Variants in TSC22D1 observed in about 807,000 individuals in gnomAD.
TSC22D1 encodes TSC22 domain family protein 1.
Under a neutral mutation model 74.2 loss-of-function variants are expected in TSC22D1, and 9 were observed. That is an observed-to-expected ratio of 0.12 (90% confidence interval 0.07 to 0.21). TSC22D1 has a LOEUF of 0.21. TSC22D1 is among the 10% of genes least tolerant of loss of function. The pLI, the probability that TSC22D1 is intolerant of heterozygous loss-of-function variation, is 1.00. For missense variants in TSC22D1, 1,427 were observed against 1,304.7 expected (o/e 1.09, Z -1.44); for synonymous variants, 586 against 492.5 (o/e 1.19, Z -2.51).
rs779099613 is a variant in TSC22D1, at chr13:44,573,331, C to G, written c.2744G>C (p.Arg915Pro). The G allele has an allele frequency of 1.2e-6, 2 of 1,614,238 alleles. No homozygotes were observed. Among genetic ancestry groups the G allele is most frequent in the Non-Finnish European group, 1.7e-6 (2 of 1,180,038 alleles). The change falls in exon 1 of 3, where the codon CGT becomes CCT. Residue 915 changes from arginine to proline, a missense_variant. By Grantham distance (103) the Arg-to-Pro change is moderately radical. Transcript: ENST00000458659. ...AIGSQIEDAR[R>P]AAEPSLVGLP... is the part of the protein sequence containing the mutation. ...GCCAACTAAGGAGGGCTCCGCTGCACGCCTGGCATCTTCAATTTGGCTTCC... is the reference window on the plus strand; with the variant it reads ...GCCAACTAAGGAGGGCTCCGCTGCAGGCCTGGCATCTTCAATTTGGCTTCC...
chr13:44,463,847 A>G (rs1382064997), intron 1 of TSC22D1, among the ~76,000 whole-genome samples: 1 of 152,182 alleles, frequency 6.6e-6, no homozygotes, highest in Non-Finnish European at 1.5e-5. Flanking sequence ...GTTATCTTAC[A>G]TGTATGTACC....
chr13:44,464,115 A>G (rs1198137101), intron 1 of TSC22D1, among the ~76,000 whole-genome samples: 1 of 152,220 alleles, frequency 6.6e-6, no homozygotes. Context: ...TGGCCCTCAG[A>G]AACTAAGATG....
At chr13:44,486,705 A>G (rs984075111) in intron 1 of TSC22D1, among the ~76,000 whole-genome samples, 1 of 152,216 alleles carries the variant, frequency 6.6e-6, no homozygotes, top group Admixed American at 6.5e-5. Context: ...ATACAGCAAG[A>G]CCAAATACAT....
At chr13:44,528,071 G>C (rs1465892128) in intron 1 of TSC22D1, among the ~76,000 whole-genome samples, 1 of 151,878 alleles carries the variant, frequency 6.6e-6, no homozygotes, top group Admixed American at 6.6e-5. Context: ...AATGTAAGGA[G>C]GACTAGTCAA....
chr13:44,437,227 A>G (rs1874782450), intron 1 of TSC22D1: 1 of 985,406 alleles, frequency 1.0e-6, no homozygotes, highest in Non-Finnish European at 1.2e-6. Flanking sequence ...CGGCTGCTTA[A>G]CGGCGAAAGC....
intron 1 of TSC22D1, among the ~76,000 whole-genome samples, chr13:44,473,444 A>G (rs1389986842): frequency 1.3e-5 from 2 of 152,094 alleles, no homozygotes. Context: ...GCAGTGAACC[A>G]AGATCATGCC....
intron 1 of TSC22D1, among the ~76,000 whole-genome samples, chr13:44,444,775 G>T (rs1011060289): frequency 3.9e-5 from 6 of 151,934 alleles, no homozygotes; most frequent in African/African-American, 1.4e-4. Flanking sequence ...TAAAAACAAG[G>T]CATATCAAAA....
chr13:44,454,756 T>C (rs781691088), intron 1 of TSC22D1, among the ~76,000 whole-genome samples: 7 of 152,266 alleles, frequency 4.6e-5, no homozygotes, highest in Admixed American at 1.3e-4. Context: ...TTCCCATTCA[T>C]ATAGAGGAGG....
chr13:44,556,289 G>C (rs1291781047), intron 1 of TSC22D1, among the ~76,000 whole-genome samples: 2 of 151,464 alleles, frequency 1.3e-5, no homozygotes, highest in African/African-American at 2.4e-5. Flanking sequence ...CTCAACACCT[G>C]TAATCCTTGT....
intron 1 of TSC22D1, among the ~76,000 whole-genome samples, chr13:44,544,336 C>A (rs1344524228): frequency 6.7e-6 from 1 of 150,166 alleles, no homozygotes; most frequent in Non-Finnish European, 1.5e-5. Context: ...GAGATCTTAC[C>A]CGATAACAAA....
intron 1 of TSC22D1, among the ~76,000 whole-genome samples, chr13:44,501,554 G>A (rs1879217606): frequency 6.6e-6 from 1 of 151,504 alleles, no homozygotes; most frequent in Admixed American, 6.6e-5. Context: ...TGGTCCCAGA[G>A]GCTAGGCCGG....
upstream of TSC22D1, chr13:44,576,362 T>G (rs1011561272): frequency 2.8e-6 from 1 of 357,034 alleles, no homozygotes. Flanking sequence ...CTTTATATTC[T>G]GCTTCACGTG....
chr13:44,517,511 G>A (rs986462865), intron 1 of TSC22D1, among the ~76,000 whole-genome samples: 4 of 151,612 alleles, frequency 2.6e-5, no homozygotes, highest in Non-Finnish European at 5.9e-5. Flanking sequence ...AAAATGTGCA[G>A]GATTACTATC....
chr13:44,548,685 A>G (rs549809689), intron 1 of TSC22D1, among the ~76,000 whole-genome samples: 1 of 152,326 alleles, frequency 6.6e-6, no homozygotes, highest in Non-Finnish European at 1.5e-5. Flanking sequence ...CAGCAAGATA[A>G]TCTAGGAAAA....
chr13:44,463,052 T>A (rs1262030456), intron 1 of TSC22D1, among the ~76,000 whole-genome samples: 2 of 152,148 alleles, frequency 1.3e-5, no homozygotes, highest in Non-Finnish European at 2.9e-5. Flanking sequence ...CTTAATACTT[T>A]CTTTCTTTCC....
chr13:44,575,971 C>T lies in TSC22D1; in HGVS notation c.104G>A (p.Ser35Asn). The T allele has an allele frequency of 6.2e-7, 1 of 1,604,908 alleles. No homozygotes were observed. The highest frequency in any genetic ancestry group is 8.5e-7 in the Non-Finnish European group (1 of 1,175,812). ...TGCATTGAGAGCAGAGGCGCTGCCA[C>T]TACCGCTGCCCCTTCGAGGGAACAT... is the stretch of plus-strand genomic sequence containing the variant. ...PAMFPRRGSG[S>N]GSASALNAAG... The change falls in exon 1 of 3, where the codon AGT becomes AAT. Residue 35 changes from serine (S) to asparagine (N), a missense_variant. Physicochemically the swap from Ser to Asn is conservative, Grantham distance 46. Around this residue, in one of 3 missense-constraint regions of TSC22D1, gnomAD observed 1,343 missense variants for 1,191.5 expected, o/e 1.13. Transcript: ENST00000458659.
chr13:44,448,236 A>C (rs1401805556), intron 1 of TSC22D1, among the ~76,000 whole-genome samples: 1 of 152,210 alleles, frequency 6.6e-6, no homozygotes, highest in Non-Finnish European at 1.5e-5. Context: ...TTGCACAGCT[A>C]TGAAAAATAG....
At chr13:44,551,310 G>GGGGTGTGTGTGTGTGT (rs1555272439) in intron 1 of TSC22D1, among the ~76,000 whole-genome samples, 14 of 132,858 alleles carry the variant, frequency 1.1e-4, no homozygotes, top group African/African-American at 3.8e-4. Context: ...ATCAGCTGGG[G>GGGGTGTGTGTGTGTGT]GTGTGTGTGT....
chr13:44,460,868 T>G (rs2138948941), intron 1 of TSC22D1, among the ~76,000 whole-genome samples: 1 of 152,320 alleles, frequency 6.6e-6, no homozygotes, highest in East Asian at 1.9e-4. Flanking sequence ...GAAGAAGCCC[T>G]CCTTCTAAAA....
Sources: allele counts gnomAD v4.1 joint callset (sites outside exome capture counted in the v4.1 genomes callset), GRCh38; gene constraint gnomAD v4.1.1; regional missense constraint gnomAD v4.1.1; transcripts MANE v1.5; gene names NCBI Gene and HGNC (gene_info 2026-07-23, HGNC 2026-07-21).